The following KCNT2 variants were observed in gnomAD, a reference collection of about 807,000 sequenced individuals.
KCNT2 encodes the protein potassium channel subfamily T member 2.
KCNT2 carries 67 observed loss-of-function variants against 153.8 expected under a neutral mutation model. The observed-to-expected ratio is 0.44, with a 90% confidence interval of 0.36 to 0.53. The LOEUF (loss-of-function observed/expected upper bound fraction) is 0.53, where lower values mean the gene tolerates loss of function less well. Ranked by LOEUF, KCNT2 falls within the 20% of genes least tolerant of loss-of-function variation. The pLI, the probability that KCNT2 is intolerant of heterozygous loss-of-function variation, is 0.00. For missense variants in KCNT2, 975 were observed against 1,354.8 expected, an observed-to-expected ratio of 0.72 and a Z score of 4.40; for synonymous variants, 500 against 458.8, an observed-to-expected ratio of 1.09 and a Z score of -1.15.
intron 11 of KCNT2, among the ~76,000 whole-genome samples, chr1:196,423,614 G>T (rs1254908455): frequency 6.6e-6 from 1 of 151,342 alleles, no homozygotes; most frequent in Non-Finnish European, 1.5e-5. Context: ...CTTAAGTTTA[G>T]TGATAAAGAC....
chr1:196,533,235 A>G (rs942032427), intron 1 of KCNT2, among the ~76,000 whole-genome samples: 1 of 152,106 alleles, frequency 6.6e-6, no homozygotes, highest in Admixed American at 6.6e-5. Flanking sequence ...AGAGAAAGCT[A>G]TTGATGTAGT....
At chr1:196,481,980 C>T (rs1679057244) in intron 4 of KCNT2, among the ~76,000 whole-genome samples, 1 of 152,056 alleles carries the variant, frequency 6.6e-6, no homozygotes, top group African/African-American at 2.4e-5. Context: ...AGGTAAAAAG[C>T]AAACACAGTT....
intron 1 of KCNT2, among the ~76,000 whole-genome samples, chr1:196,536,739 C>T (rs6428344): frequency 0.98 from 149,704 of 152,276 alleles, 73,630 homozygotes; most frequent in Middle Eastern, 1. Context: ...GTCATCCATA[C>T]GACAACTGCA....
intron 1 of KCNT2, among the ~76,000 whole-genome samples, chr1:196,606,536 A>G (rs541024110): frequency 6.6e-6 from 1 of 152,338 alleles, no homozygotes; most frequent in African/African-American, 2.4e-5. Context: ...CTTTTTTAAT[A>G]TGGCACTGAT....
intron 1 of KCNT2, among the ~76,000 whole-genome samples, chr1:196,502,161 A>G (rs1680757519): frequency 6.6e-6 from 1 of 152,158 alleles, no homozygotes; most frequent in Admixed American, 6.6e-5. Flanking sequence ...AGTGCTTCCA[A>G]TGAGTTTCCA....
intron 1 of KCNT2, among the ~76,000 whole-genome samples, chr1:196,536,270 C>T (rs747418956): frequency 6.6e-6 from 1 of 152,222 alleles, no homozygotes; most frequent in African/African-American, 2.4e-5. Context: ...TGGCCTGGCC[C>T]CACATGGGCC....
At chr1:196,463,954 T>C (rs1677381517) in intron 8 of KCNT2, among the ~76,000 whole-genome samples, 1 of 151,862 alleles carries the variant, frequency 6.6e-6, no homozygotes, top group Non-Finnish European at 1.5e-5. Flanking sequence ...ATCTCAATTA[T>C]CCTTTGTCTA....
At chr1:196,255,165 G>A (rs1051614581) in intron 26 of KCNT2, among the ~76,000 whole-genome samples, 2 of 151,610 alleles carry the variant, frequency 1.3e-5, no homozygotes, top group African/African-American at 4.8e-5. Context: ...GAGGAATAAT[G>A]TTAGTTATTA....
chr1:196,469,115 C>T (rs1557976131), intron 5 of KCNT2, 47 bp from the exon 6 acceptor site: 2 of 1,087,168 alleles, frequency 1.8e-6, no homozygotes, highest in South Asian at 1.3e-5. Flanking sequence ...ATACTGCCTC[C>T]TATTAAAGGG....
At chr1:196,407,147 C>A (rs895772491) in intron 12 of KCNT2, among the ~76,000 whole-genome samples, 1 of 151,410 alleles carries the variant, frequency 6.6e-6, no homozygotes, top group Admixed American at 6.6e-5. Flanking sequence ...AAACTTCCCT[C>A]AACACCAGAT....
intron 1 of KCNT2, among the ~76,000 whole-genome samples, chr1:196,521,658 T>C (rs956162405): frequency 2.6e-5 from 4 of 152,128 alleles, no homozygotes; most frequent in Non-Finnish European, 5.9e-5. Context: ...GGAACATGAA[T>C]GGAGCTGGAC....
At chr1:196,591,549 A>G (rs1377970124) in intron 1 of KCNT2, among the ~76,000 whole-genome samples, 1 of 152,178 alleles carries the variant, frequency 6.6e-6, no homozygotes, top group Non-Finnish European at 1.5e-5. Context: ...ATTAATCAAC[A>G]TACTACAGGG....
chr1:196,521,197 T>G (rs1313843764), intron 1 of KCNT2, among the ~76,000 whole-genome samples: 1 of 152,118 alleles, frequency 6.6e-6, no homozygotes. Context: ...AAAAAATAGC[T>G]CAACATCACT....
At chr1:196,341,960 CA>C in intron 15 of KCNT2, 118 bp downstream of exon 15, 1 of 1,006,534 alleles carries the variant, frequency 9.9e-7, no homozygotes, top group Non-Finnish European at 1.4e-6. Flanking sequence ...AATATTGTGA[CA>C]AAAATTCCGG....
chr1:196,381,175 A>G (rs1243068358), intron 13 of KCNT2, among the ~76,000 whole-genome samples: 1 of 152,190 alleles, frequency 6.6e-6, no homozygotes, highest in Non-Finnish European at 1.5e-5. Context: ...AGTACAATAA[A>G]TATAATCTTT....
intron 18 of KCNT2, among the ~76,000 whole-genome samples, chr1:196,329,950 C>CATATATATATAT (rs71154737): frequency 0.052 from 3,802 of 73,136 alleles, 162 homozygotes; most frequent in African/African-American, 0.072. Context: ...TTCCTCAAGA[C>CATATATATATAT]ATATATATAT....
At chr1:196,277,268 C>T (rs925757572) in intron 25 of KCNT2, among the ~76,000 whole-genome samples, 1 of 152,034 alleles carries the variant, frequency 6.6e-6, no homozygotes, top group African/African-American at 2.4e-5. Flanking sequence ...TAACTGAAAG[C>T]TCTGGGTGAG....
chr1:196,257,876 C>T (rs1029213810), intron 26 of KCNT2: 33 of 983,466 alleles, frequency 3.4e-5, no homozygotes, highest in Non-Finnish European at 4.0e-5. Context: ...AATTAGAAGG[C>T]TACCTGACTT....
At chr1:196,431,485 G>A (rs1380950596) in intron 8 of KCNT2, among the ~76,000 whole-genome samples, 1 of 152,020 alleles carries the variant, frequency 6.6e-6, no homozygotes, top group Non-Finnish European at 1.5e-5. Flanking sequence ...AATATTGGGG[G>A]AAATACCGAC....
Sources: allele counts gnomAD v4.1 joint callset (sites outside exome capture counted in the v4.1 genomes callset), GRCh38; gene constraint gnomAD v4.1.1; transcripts MANE v1.5; gene names NCBI Gene and HGNC (gene_info 2026-07-23, HGNC 2026-07-21).